MINK1: variants seen among roughly 807,000 people sequenced by gnomAD.
MINK1 encodes misshapen-like kinase 1.
In MINK1, 46 loss-of-function variants were observed where a neutral mutation model predicts 178.4. The observed-to-expected ratio is 0.26, with a 90% confidence interval of 0.20 to 0.33. The LOEUF is 0.33. Among genes scored for constraint, MINK1 ranks in the 10% least tolerant of loss-of-function variants. MINK1 has a pLI of 1.00. For synonymous variants in MINK1, 797 were observed against 709.7 expected (o/e 1.12, Z -1.96); for missense variants, 1,366 against 1,814.9 (o/e 0.75, Z 4.49).
chr17:4,879,757 AGGGCT>A (rs1195862376), intron 2 of MINK1, among the ~76,000 whole-genome samples: 3 of 152,208 alleles, frequency 2.0e-5, no homozygotes, highest in African/African-American at 7.2e-5. Context: ...TCTTCCCACT[AGGGCT>A]GGTGACAGGA....
At chr17:4,889,817 G>GCC in intron 13 of MINK1, 54 bp downstream of exon 13, 1 of 1,295,974 alleles carries the variant, frequency 7.7e-7, no homozygotes, top group East Asian at 2.6e-5. Flanking sequence ...CCTGCTGCCT[G>GCC]CCGCCCCTGC....
chr17:4,894,839 C>T lies in MINK1; in HGVS notation c.2917+206C>T, dbSNP rs1223205505. 3 of 640,846 alleles carry T rather than the reference C, an allele frequency of 4.7e-6. No individual in the cohort carries two copies. The African/African-American group carries it at 5.5e-5, about 12-fold the overall frequency. 39.7% of individuals were successfully genotyped at this position (640,846 alleles called of 1,614,324 possible). A position where few individuals can be genotyped will look rare whatever the true frequency, so the allele number is the denominator to read the frequency against. On this transcript the variant is annotated intron_variant, in intron 24 of 31. Coordinates refer to ENST00000355280, the MANE Select transcript of MINK1 (RefSeq NM_153827.5). This position sits in a 1 kb window ranked among gnomAD's most constrained non-coding sequence, Gnocchi z 4.1. ...CAGGACAGGAAATGCTCAGAGTTGC[C>T]AGGGGACCTGGGCAAAGACTCAAAG...
rs748146179 is a variant in MINK1, at chr17:4,895,286, T to C, written c.3085+44T>C. ...AGCTGAGGAGGCTCTGGCGTGGCTC[T>C]TGTGCTCCTGGTTAGGTGAGGGCCT... On this transcript the variant is annotated intron_variant, in intron 25 of 31. Transcript: ENST00000355280. The surrounding 1 kb of genome is among the most constrained non-coding windows in gnomAD (Gnocchi z 4.3). 7 of 1,610,812 alleles carry C rather than the reference T, an allele frequency of 4.3e-6. No homozygotes were observed. The highest frequency in any genetic ancestry group is 5.9e-6 in the Non-Finnish European group (7 of 1,177,680).
intron 1 of MINK1, among the ~76,000 whole-genome samples, chr17:4,844,294 C>T (rs1233281224): frequency 6.6e-6 from 1 of 152,168 alleles, no homozygotes; most frequent in Non-Finnish European, 1.5e-5. Context: ...AGCCACCGTG[C>T]CCGGCCTGCC....
chr17:4,840,503 T>G (rs1910049365), intron 1 of MINK1, among the ~76,000 whole-genome samples: 2 of 150,460 alleles, frequency 1.3e-5, no homozygotes, highest in South Asian at 4.2e-4. Context: ...GTCCTGGGTC[T>G]GTAGTTTAGA....
intron 13 of MINK1, 175 bp from the exon 14 acceptor site, chr17:4,890,342 C>T (rs1175623739): frequency 1.4e-6 from 2 of 1,429,244 alleles, no homozygotes; most frequent in East Asian, 5.0e-5. Context: ...TGGGAAGATG[C>T]TTTTCAGAGC....
chr17:4,843,642 AACCGTAATGAAC>A (rs1304676288), intron 1 of MINK1, among the ~76,000 whole-genome samples: 36 of 152,144 alleles, frequency 2.4e-4, no homozygotes, highest in Non-Finnish European at 2.8e-4. Flanking sequence ...TTGGAATAAG[AACCGTAATGAAC>A]ACTTACTGTG....
At chr17:4,839,328 T>G (rs900380886) in intron 1 of MINK1, among the ~76,000 whole-genome samples, 1 of 152,164 alleles carries the variant, frequency 6.6e-6, no homozygotes, top group African/African-American at 2.4e-5. Context: ...CTGATTTCCA[T>G]GAATTACACT....
chr17:4,844,141 C>T (rs886495329), intron 1 of MINK1, among the ~76,000 whole-genome samples: 9 of 152,106 alleles, frequency 5.9e-5, no homozygotes, highest in African/African-American at 1.9e-4. Context: ...GCTGGGATTA[C>T]AGGTGCGCAC....
rs1278149141 is a variant in MINK1, at chr17:4,897,387, T to C, written c.*100T>C. 4 of 1,133,084 alleles carry C rather than the reference T, an allele frequency of 3.5e-6. No individual in the cohort carries two copies. The East Asian group carries it at 1.0e-4, about 28-fold the overall frequency. The allele number at this position is 1,133,084 out of a possible 1,614,324, so 70.2% of individuals were successfully genotyped here. A position where few individuals can be genotyped will look rare whatever the true frequency, so the allele number is the denominator to read the frequency against. On this transcript the variant is annotated 3_prime_UTR_variant, in exon 32 of 32. Transcript: ENST00000355280. ...CTTTCCCCTCCCTGGGCTTTTGCTT[T>C]TACTGGTTTGATTTCACTGGAGCCT...
intron 1 of MINK1, among the ~76,000 whole-genome samples, chr17:4,862,636 A>C (rs1296655796): frequency 6.6e-6 from 1 of 151,234 alleles, no homozygotes. Flanking sequence ...CCTGGGTGAC[A>C]GAGTGAGAAT....
rs746739115 is a variant in MINK1, at chr17:4,895,716, G to A, written c.3248G>A (p.Arg1083Gln). 4.3e-6 allele frequency: 7 copies of A among 1,613,526 alleles called. No homozygotes were observed. Among genetic ancestry groups the A allele is most frequent in the African/African-American group, 1.3e-5 (1 of 75,046 alleles). ...CCCTCAGGGAAAAGGAACAAACTGC[G>A]GGTGTATTACCTGTCCTGGCTCCGG... Reference protein sequence around the residue: ...ITISGKRNKLRVYYLSWLRNK... With the variant: ...ITISGKRNKLQVYYLSWLRNK... Residue 1083 changes from arginine (R) to glutamine (Q), a missense_variant, in exon 27 of 32, where the codon CGG becomes CAG. This residue lies in a region of MINK1 where 77 missense variants were observed against 119.5 expected (regional missense o/e 0.64). Coordinates refer to ENST00000355280, the MANE Select transcript of MINK1 (RefSeq NM_153827.5). This position sits in a 1 kb window ranked among gnomAD's most constrained non-coding sequence, Gnocchi z 4.3.
chr17:4,896,004 G>A lies in MINK1; in HGVS notation c.3366G>A (p.Val1122=), dbSNP rs1969422355. ...DMEGCGHYRV[V]KYERIKFLVI... ...ATCCCTCTTCTCTCCCGCCCCCAGT[G>A]AAATACGAGCGGATTAAGTTCCTGG... The change falls in exon 28 of 32, where the codon GTG becomes GTA. Residue 1122 remains valine, a splice_region_variant and synonymous_variant. Transcript: ENST00000355280. The surrounding 1 kb of genome is among the most constrained non-coding windows in gnomAD (Gnocchi z 4.6). 3 of 1,593,760 alleles carry A rather than the reference G, an allele frequency of 1.9e-6. No individual in the cohort carries two copies. Among genetic ancestry groups the A allele is most frequent in the Non-Finnish European group, 2.6e-6 (3 of 1,170,180 alleles).
intron 1 of MINK1, among the ~76,000 whole-genome samples, chr17:4,873,142 G>A (rs1966877488): frequency 6.6e-6 from 1 of 152,146 alleles, no homozygotes; most frequent in South Asian, 2.1e-4. Context: ...TCCTCTTCTG[G>A]CGTCTGTTCT....
At chr17:4,883,555 A>G (rs937152183) in intron 4 of MINK1, among the ~76,000 whole-genome samples, 5 of 151,624 alleles carry the variant, frequency 3.3e-5, no homozygotes, top group Admixed American at 3.3e-4. Context: ...TTTTTGAGAC[A>G]GAGTCTCACT....
intron 1 of MINK1, among the ~76,000 whole-genome samples, chr17:4,855,553 C>T (rs12942499): frequency 0.23 from 33,120 of 144,214 alleles, 4,483 homozygotes; most frequent in African/African-American, 0.38. Context: ...GAGGCCGAGG[C>T]GGGCGGATCA....
Position 4,897,338 on chromosome 17 carries a change from AGCCAGGCTTCCCGGGCC to A in MINK1, c.*55_*71del. On this transcript the variant is annotated 3_prime_UTR_variant, in exon 32 of 32. Transcript: ENST00000355280. ...ACACTGGACCCAGCTCTCCCCCTGC[AGCCAGGCTTCCCGGGCC>A]GCCCCTCTTTCCCCTCCCTGGGCTT... 6.4e-7 allele frequency: 1 copy of A among 1,562,028 alleles called. No individual in the cohort carries two copies. The highest frequency in any genetic ancestry group is 8.8e-7 in the Non-Finnish European group (1 of 1,135,972).
At chr17:4,876,097 GA>G (rs1297336522) in intron 1 of MINK1, among the ~76,000 whole-genome samples, 2 of 151,988 alleles carry the variant, frequency 1.3e-5, no homozygotes, top group African/African-American at 4.8e-5. Context: ...GCCCGGCCAA[GA>G]TTTTTTTTTT....
At chr17:4,835,653 C>T (rs974222473) in intron 1 of MINK1, among the ~76,000 whole-genome samples, 3 of 152,158 alleles carry the variant, frequency 2.0e-5, no homozygotes, top group East Asian at 1.9e-4. Flanking sequence ...AACAAAAAAA[C>T]GGGGCGGGTC....
Sources: allele counts gnomAD v4.1 joint callset (sites outside exome capture counted in the v4.1 genomes callset), GRCh38; gene constraint gnomAD v4.1.1; regional missense constraint gnomAD v4.1.1; non-coding constraint Gnocchi (gnomAD v3.1); transcripts MANE v1.5; gene names NCBI Gene and HGNC (gene_info 2026-07-23, HGNC 2026-07-21).